CHRM3: variants seen among roughly 807,000 people sequenced by gnomAD.
The protein encoded by CHRM3 is cholinergic receptor muscarinic 3.
A neutral mutation model predicts 41.8 loss-of-function variants in CHRM3; 11 were observed. The ratio of observed to expected loss-of-function variants is 0.26; its 90% CI spans 0.17 to 0.44. CHRM3 has a LOEUF of 0.44. Among genes scored for constraint, CHRM3 ranks in the 20% least tolerant of loss-of-function variants. The probability of loss-of-function intolerance (pLI) is 1.00; values close to 1 mark genes in which losing one functional copy is unlikely to be tolerated. For missense variants in CHRM3, 571 were observed against 745.4 expected (o/e 0.77, Z 2.72); for synonymous variants, 297 against 301.4 (o/e 0.99, Z 0.15).
chr1:239,488,576 G>A (rs1487006603), intron 1 of CHRM3, among the ~76,000 whole-genome samples: 2 of 151,686 alleles, frequency 1.3e-5, no homozygotes, highest in South Asian at 2.1e-4. Context: ...TTAGCTGTGT[G>A]TGGTGGCAGG....
At chr1:239,434,176 G>A (rs1663051176) in intron 1 of CHRM3, among the ~76,000 whole-genome samples, 1 of 152,094 alleles carries the variant, frequency 6.6e-6, no homozygotes, top group Non-Finnish European at 1.5e-5. Context: ...CTGCCTTGTT[G>A]GAAATTCTTG....
chr1:239,621,783 A>G (rs889314480), intron 3 of CHRM3, among the ~76,000 whole-genome samples: 25 of 152,206 alleles, frequency 1.6e-4, no homozygotes, highest in African/African-American at 6.0e-4. Context: ...TCTATATAAT[A>G]TAAAATTACA....
chr1:239,595,505 T>A (rs924083337), intron 3 of CHRM3, among the ~76,000 whole-genome samples: 20 of 152,202 alleles, frequency 1.3e-4, no homozygotes, highest in African/African-American at 4.8e-4. Context: ...AAGCACAAAA[T>A]CCTTGGATTT....
At chr1:239,902,252 C>T (rs775068046) in intron 6 of CHRM3, among the ~76,000 whole-genome samples, 8 of 152,118 alleles carry the variant, frequency 5.3e-5, no homozygotes, top group Non-Finnish European at 8.8e-5. Context: ...AGAGTATTAG[C>T]CTACAACACC....
At chr1:239,742,467 T>C (rs1664944458) in intron 5 of CHRM3, among the ~76,000 whole-genome samples, 1 of 152,134 alleles carries the variant, frequency 6.6e-6, no homozygotes, top group Admixed American at 6.5e-5. Flanking sequence ...TACATTCTCC[T>C]CTATATGGCC....
At chr1:239,572,388 G>A (rs980336703) in intron 3 of CHRM3, among the ~76,000 whole-genome samples, 7 of 152,206 alleles carry the variant, frequency 4.6e-5, no homozygotes, top group African/African-American at 1.4e-4. Context: ...AAACTGAGAA[G>A]CTTGAGTCAT....
intron 2 of CHRM3, among the ~76,000 whole-genome samples, chr1:239,526,381 C>T (rs559144320): frequency 6.6e-6 from 1 of 152,134 alleles, no homozygotes; most frequent in Non-Finnish European, 1.5e-5. Context: ...TGTCAATGAA[C>T]AACTGATATT....
At chr1:239,876,617 A>G (rs73131044) in intron 6 of CHRM3, among the ~76,000 whole-genome samples, 2,290 of 152,298 alleles carry the variant, frequency 0.015, 68 homozygotes, top group African/African-American at 0.053. Context: ...AGCCTCCACC[A>G]TGGGATGCAC....
At chr1:239,666,882 A>C (rs921669103) in intron 4 of CHRM3, among the ~76,000 whole-genome samples, 1 of 152,112 alleles carries the variant, frequency 6.6e-6, no homozygotes, top group Non-Finnish European at 1.5e-5. Flanking sequence ...CCATGAGTAC[A>C]CAATGTTTAG....
chr1:239,803,156 C>T (rs920680590), intron 5 of CHRM3, among the ~76,000 whole-genome samples: 1 of 152,114 alleles, frequency 6.6e-6, no homozygotes, highest in African/African-American at 2.4e-5. Context: ...GCTCTATTTT[C>T]TTAATGAACA....
intron 2 of CHRM3, among the ~76,000 whole-genome samples, chr1:239,530,081 T>A (rs999321331): frequency 1.3e-5 from 2 of 152,014 alleles, no homozygotes; most frequent in Non-Finnish European, 2.9e-5. Flanking sequence ...CTTTTTGTAT[T>A]TTTAGTAGAG....
chr1:239,855,971 C>A (rs1220313544), intron 6 of CHRM3, among the ~76,000 whole-genome samples: 1 of 152,162 alleles, frequency 6.6e-6, no homozygotes, highest in Non-Finnish European at 1.5e-5. Flanking sequence ...TTAGCAGTTT[C>A]TCAGGAGGGA....
chr1:239,475,532 T>A (rs1182237930), intron 1 of CHRM3, among the ~76,000 whole-genome samples: 1 of 152,112 alleles, frequency 6.6e-6, no homozygotes, highest in Non-Finnish European at 1.5e-5. Flanking sequence ...GACCTAGGGA[T>A]ATATGACAAG....
intron 5 of CHRM3, among the ~76,000 whole-genome samples, chr1:239,747,420 T>C (rs1665461910): frequency 6.6e-6 from 1 of 152,240 alleles, no homozygotes; most frequent in Non-Finnish European, 1.5e-5. Context: ...AGTTTCAAGA[T>C]GCAGAGAACT....
intron 1 of CHRM3, among the ~76,000 whole-genome samples, chr1:239,422,840 A>G (rs1008373410): frequency 1.3e-5 from 2 of 152,110 alleles, no homozygotes; most frequent in Admixed American, 6.6e-5. Context: ...TATAAAGATC[A>G]TAACTTGTTT....
At chr1:239,648,991 T>G (rs1415566405) in intron 4 of CHRM3, among the ~76,000 whole-genome samples, 1 of 152,148 alleles carries the variant, frequency 6.6e-6, no homozygotes, top group African/African-American at 2.4e-5. Context: ...CCCATCTATA[T>G]GTGTGTATAT....
At chr1:239,430,289 T>C (rs887717565) in intron 1 of CHRM3, among the ~76,000 whole-genome samples, 13 of 152,100 alleles carry the variant, frequency 8.5e-5, no homozygotes, top group African/African-American at 2.9e-4. Flanking sequence ...TTAAATATTT[T>C]TGCACTGTAT....
At chr1:239,776,928 A>G (rs1034085770) in intron 5 of CHRM3, among the ~76,000 whole-genome samples, 3 of 152,156 alleles carry the variant, frequency 2.0e-5, no homozygotes, top group Non-Finnish European at 4.4e-5. Flanking sequence ...AACAGCATGG[A>G]GGTAACCATC....
chr1:239,743,114 T>C (rs1446939447), intron 5 of CHRM3, among the ~76,000 whole-genome samples: 3 of 152,228 alleles, frequency 2.0e-5, no homozygotes, highest in South Asian at 2.1e-4. Context: ...GATAATTGTT[T>C]AGGCAATGAG....
Sources: allele counts gnomAD v4.1 joint callset (sites outside exome capture counted in the v4.1 genomes callset), GRCh38; gene constraint gnomAD v4.1.1; transcripts MANE v1.5; gene names NCBI Gene and HGNC (gene_info 2026-07-23, HGNC 2026-07-21).